STK11: variants seen among roughly 807,000 people sequenced by gnomAD.
The protein encoded by STK11 is serine/threonine-protein kinase STK11.
In STK11, 8 loss-of-function variants were observed where a neutral mutation model predicts 47.3. The ratio of observed to expected loss-of-function variants is 0.17; its 90% confidence interval spans 0.10 to 0.31. STK11 has a LOEUF of 0.31. STK11 is among the 10% of genes least tolerant of loss of function. The pLI is 1.00. For missense variants in STK11, 475 were observed against 605.0 expected (o/e 0.79, Z 2.25); for synonymous variants, 330 against 255.8 (o/e 1.29, Z -2.77).
At chr19:1,209,959 C>T (rs1462579487) in intron 1 of STK11, among the ~76,000 whole-genome samples, 1 of 152,148 alleles carries the variant, frequency 6.6e-6, no homozygotes, top group Non-Finnish European at 1.5e-5. Context: ...GTGAGTGATG[C>T]ACCCTCACTA....
rs964198657 is a variant in STK11 at position 1,223,851 on chromosome 19, G to A, written c.1108+679G>A. 34 of 1,023,968 alleles carry A rather than the reference G, an allele frequency of 3.3e-5. 1 individual carries two copies. The African/African-American group carries it at 4.9e-4, about 15-fold the overall frequency. The allele number at this position is 1,023,968 out of a possible 1,614,324, so 63.4% of individuals were successfully genotyped here. On this transcript the variant is annotated intron_variant, in intron 8 of 9. Coordinates refer to ENST00000326873, the MANE Select transcript of STK11 (RefSeq NM_000455.5). Reference sequence around the variant, plus strand: ...GCTGTGTTCGGCCCAGGGCTGGGCCGTGTCATAAAGAGTTTTGCAGTGTAT... The same window carrying A: ...GCTGTGTTCGGCCCAGGGCTGGGCCATGTCATAAAGAGTTTTGCAGTGTAT...
At chr19:1,220,194 C>T (rs2080772548) in intron 3 of STK11, 179 bp from the exon 4 acceptor site, 2 of 779,556 alleles carry the variant, frequency 2.6e-6, no homozygotes, top group Middle Eastern at 3.9e-4. Flanking sequence ...AGGGTGGCCA[C>T]TGCAGGCGCA....
chr19:1,226,129 C>G (rs2080818758), intron 8 of STK11: 2 of 1,188,680 alleles, frequency 1.7e-6, no homozygotes, highest in African/African-American at 3.2e-5. Flanking sequence ...CGGGAGGGTC[C>G]TGCCTTGTCA....
intron 8 of STK11, chr19:1,224,654 C>T (rs945398929): frequency 9.1e-6 from 9 of 985,494 alleles, no homozygotes; most frequent in Non-Finnish European, 1.1e-5. Context: ...CTCCTGGGGA[C>T]CCTCAGGCCT....
chr19:1,223,588 TCCCTGAGGCCTGCCCGCTGG>T, intron 8 of STK11: 2 of 1,080,754 alleles, frequency 1.9e-6, no homozygotes, highest in Non-Finnish European at 2.3e-6. Context: ...CCTCCCGTCG[TCCCTGAGGCCTGCCCGCTGG>T]CCCTGATGCC....
rs374563635 is a variant in STK11, at chr19:1,212,204, C to T, written c.290+5001C>T. ...TGTAGCTGTCGGGGAATCAGTGAGG[C>T]GGCTGGACGGCCCGTATATCCCACA... On this transcript the variant is annotated intron_variant, in intron 1 of 9. Coordinates refer to ENST00000326873, the MANE Select transcript of STK11 (RefSeq NM_000455.5). Among the ~76,000 whole-genome samples the T allele has an allele frequency of 2.3e-4, 33 of 145,126 alleles. 1 individual carries two copies. In the East Asian group the frequency reaches 4.7e-3, roughly 21 times the overall value.
Position 1,218,312 on chromosome 19 carries a change from G to A in STK11, c.291-105G>A, listed in dbSNP as rs1028452408. On this transcript the variant is annotated intron_variant, in intron 1 of 9. Coordinates refer to ENST00000326873, the MANE Select transcript of STK11 (RefSeq NM_000455.5). ...TCACAGCTTCTCTCTAGGGAAGGGA[G>A]GAGGTACGCCACTTCCACAGGGAGA... 3 of 904,510 alleles carry A rather than the reference G, an allele frequency of 3.3e-6. No individual in the cohort carries two copies. The African/African-American group carries it at 4.9e-5, about 15-fold the overall frequency. The allele number at this position is 904,510 out of a possible 1,614,324, so 56.0% of individuals were successfully genotyped here. A position where few individuals can be genotyped will look rare whatever the true frequency, so the allele number is the denominator to read the frequency against.
At chr19:1,222,033 C>G (rs954265580) in intron 7 of STK11, 27 bp downstream of exon 7, 15 of 1,558,084 alleles carry the variant, frequency 9.6e-6, no homozygotes, top group Non-Finnish European at 1.3e-5. Flanking sequence ...GGCAGTGGGG[C>G]CGAGGCTGCA....
In STK11 at chr19:1,223,165, G is replaced by A. The variant is rs750954647; in HGVS notation, c.1101G>A (p.Thr367=). ...EDDIIYTQDF[T]VPGQVPEEEA... is the part of the protein sequence containing the mutation. ...ACATCATCTACACTCAGGACTTCAC[G>A]GTGCCCGGTGAGTCTGGCGGGGGCC... Residue 367 remains threonine, a synonymous_variant, in exon 8 of 10, where the codon ACG becomes ACA. Transcript: ENST00000326873. 6.8e-6 allele frequency: 11 copies of A among 1,610,716 alleles called. No homozygotes were observed. Among genetic ancestry groups the A allele is most frequent in the East Asian group, 6.7e-5 (3 of 44,842 alleles).
intron 1 of STK11, among the ~76,000 whole-genome samples, chr19:1,212,990 CTTTTTTTT>C (rs35169539): frequency 1.1e-5 from 1 of 94,752 alleles, no homozygotes; most frequent in Non-Finnish European, 2.1e-5. Context: ...TAAAGTTCAC[CTTTTTTTT>C]TTTTTTTTTT....
In STK11 at chr19:1,221,304, G is replaced by A. The variant is rs1461580063; in HGVS notation, c.826G>A (p.Gly276Ser). ...CGGGAAGGGGAGCTACGCCATCCCG[G>A]GCGACTGTGGCCCCCCGCTCTCTGA... ...NIGKGSYAIPGDCGPPLSDLL... is the reference protein window; with the variant it reads ...NIGKGSYAIPSDCGPPLSDLL... The change falls in exon 6 of 10, where the codon GGC (glycine) becomes AGC (serine). Residue 276 changes from glycine to serine, a missense_variant. This residue lies in a region of STK11 where 130 missense variants were observed against 239.7 expected (regional missense o/e 0.54). Transcript: ENST00000326873. 6.2e-7 allele frequency: 1 copy of A among 1,610,606 alleles called. No homozygotes were observed. The highest frequency in any genetic ancestry group is 1.7e-5 in the Admixed American group (1 of 59,750).
chr19:1,226,091 C>T, intron 8 of STK11: 1 of 1,092,024 alleles, frequency 9.2e-7, no homozygotes, highest in Non-Finnish European at 1.1e-6. Context: ...CTAGAACCAA[C>T]CATGGGCCAG....
Position 1,227,668 on chromosome 19 carries a change from G to A in STK11, c.*92G>A. On this transcript the variant is annotated 3_prime_UTR_variant, in exon 10 of 10. Transcript: ENST00000326873. ...TGCCGGTTCCGCCCGCCCTCCCGGA[G>A]AGGTGGCCGCCATGCTTCTGTGCCG... 9.4e-7 allele frequency: 1 copy of A among 1,069,032 alleles called. No individual in the cohort carries two copies. The highest frequency in any genetic ancestry group is 1.1e-6 in the Non-Finnish European group (1 of 881,562). 66.2% of individuals were successfully genotyped at this position (1,069,032 alleles called of 1,614,324 possible).
Position 1,206,730 on chromosome 19 carries a change from C to G in STK11, c.-184C>G. 1.2e-6 allele frequency: 1 copy of G among 840,852 alleles called. No homozygotes were observed. Among genetic ancestry groups the G allele is most frequent in the South Asian group, 1.9e-5 (1 of 52,138 alleles). 52.1% of individuals were successfully genotyped at this position (840,852 alleles called of 1,614,324 possible). A position where few individuals can be genotyped will look rare whatever the true frequency, so the allele number is the denominator to read the frequency against. The stretch of plus-strand genomic sequence containing the variant: ...ACCGGGCTTGGACTCGCAGCCGGGA[C>G]TGACGTGTAGAACAATCGTTTCTGT... On this transcript the variant is annotated 5_prime_UTR_variant, in exon 1 of 10. Transcript: ENST00000326873.
At chr19:1,226,871 T>C in intron 9 of STK11, 1 of 602,552 alleles carries the variant, frequency 1.7e-6, no homozygotes, top group Non-Finnish European at 2.7e-6. Context: ...GTGCTGGTCA[T>C]GGAGGCCTAC....
At chr19:1,209,583 AAAATAAATAAATAAATAAAT>A (rs35010183) in intron 1 of STK11, among the ~76,000 whole-genome samples, 6 of 147,180 alleles carry the variant, frequency 4.1e-5, no homozygotes, top group Admixed American at 6.8e-5. Context: ...CTCTGTCTCA[AAAATAAATAAATAAATAAAT>A]AAATAAATAA....
chr19:1,214,136 G>A (rs1054671605), intron 1 of STK11, among the ~76,000 whole-genome samples: 4 of 152,158 alleles, frequency 2.6e-5, no homozygotes, highest in African/African-American at 9.7e-5. Context: ...CCTGTTCCTC[G>A]CCAAGCTCTT....
chr19:1,216,587 A>C (rs1292622181), intron 1 of STK11, among the ~76,000 whole-genome samples: 1 of 151,638 alleles, frequency 6.6e-6, no homozygotes, highest in Non-Finnish European at 1.5e-5. Flanking sequence ...TCCAAAAAAA[A>C]AAAAACAAGA....
At chr19:1,225,894 T>A in intron 8 of STK11, 1 of 989,002 alleles carries the variant, frequency 1.0e-6, no homozygotes, top group Non-Finnish European at 1.2e-6. Context: ...CCCAGGCCTG[T>A]GGGTTTCACC....
Sources: gnomAD v4.1 joint callset for allele counts (sites outside exome capture counted in the v4.1 genomes callset) on GRCh38, gnomAD v4.1.1 for gene constraint, gnomAD v4.1.1 regional missense constraint, MANE v1.5 for transcripts, NCBI Gene and HGNC (gene_info 2026-07-23, HGNC 2026-07-21) for gene names.